The following ZNF646 variants were observed in gnomAD, a reference collection of about 807,000 sequenced individuals.
The protein encoded by ZNF646 is zinc finger protein 646.
ZNF646 carries 49 observed loss-of-function variants against 115.4 expected under a neutral mutation model. The ratio of observed to expected loss-of-function variants is 0.42; its 90% CI spans 0.34 to 0.54. The LOEUF is 0.54. ZNF646 is among the 20% of genes least tolerant of loss of function. ZNF646 has a pLI of 0.04. For missense variants in ZNF646, 2,269 were observed against 2,457.9 expected, an observed-to-expected ratio of 0.92 and a Z score of 1.62; for synonymous variants, 933 against 939.0, an observed-to-expected ratio of 0.99 and a Z score of 0.12.
At chr16:31,076,133 G>T in intron 1 of ZNF646, 113 bp from the exon 2 acceptor site, 1 of 640,080 alleles carries the variant, frequency 1.6e-6, no homozygotes, top group Non-Finnish European at 2.5e-6. Flanking sequence ...TTAGGTCCTT[G>T]GGCATGGATG....
Position 31,078,874 on chromosome 16 carries a change from C to G in ZNF646, c.2550C>G (p.Cys850Trp). Reference sequence around the variant, plus strand: ...GCCACCCACCAGGCATCTATCAGTGCTCCCTCTGCCCGAAGGAGTTTGACT... The same window carrying G: ...GCCACCCACCAGGCATCTATCAGTGGTCCCTCTGCCCGAAGGAGTTTGACT... Reference protein sequence around the residue: ...RPCHPPGIYQCSLCPKEFDSL... With the variant: ...RPCHPPGIYQWSLCPKEFDSL... Residue 850 changes from cysteine (C) to tryptophan (W), a missense_variant, in exon 2 of 3, where the codon TGC (cysteine) becomes TGG (tryptophan). By Grantham distance (215) the Cys-to-Trp change is radical. This residue lies in a region of ZNF646 where 852 missense variants were observed against 900.2 expected (regional missense o/e 0.95). Coordinates refer to ENST00000300850, the MANE Select transcript of ZNF646 (RefSeq NM_014699.4). The G allele has an allele frequency of 6.2e-7, 1 of 1,614,054 alleles. No individual in the cohort carries two copies. Among genetic ancestry groups the G allele is most frequent in the Non-Finnish European group, 8.5e-7 (1 of 1,180,040 alleles).
Position 31,084,102 on chromosome 16 carries a change from G to A in ZNF646, c.*1010G>A. The A allele has an allele frequency of 6.4e-7, 1 of 1,557,080 alleles. No individual in the cohort carries two copies. On this transcript the variant is annotated 3_prime_UTR_variant, in exon 3 of 3. Transcript: ENST00000300850. Reference sequence around the variant, plus strand: ...CTGGAGAGGCAGGGTTTGGCAGGAGGCCCCGGGGCCACATACTTATGTTGG... The same window carrying A: ...CTGGAGAGGCAGGGTTTGGCAGGAGACCCCGGGGCCACATACTTATGTTGG...
chr16:31,075,649 C>T (rs986356392), intron 1 of ZNF646, among the ~76,000 whole-genome samples: 1 of 152,050 alleles, frequency 6.6e-6, no homozygotes, highest in African/African-American at 2.4e-5. Context: ...GGAAAAGAGA[C>T]CTTGTGACAC....
Position 31,083,469 on chromosome 16 carries a change from A to C in ZNF646, c.*377A>C, listed in dbSNP as rs1368213587. The stretch of plus-strand genomic sequence containing the variant: ...TGTAACAATTTATTTAAGTTTAAAA[A>C]AAGGAAAACTGCTGCCCCCCAAAAA... On this transcript the variant is annotated 3_prime_UTR_variant, in exon 3 of 3. Transcript: ENST00000300850. The C allele has an allele frequency of 2.3e-6, 3 of 1,318,138 alleles. No individual in the cohort carries two copies. The highest frequency in any genetic ancestry group is 1.9e-6 in the Non-Finnish European group (2 of 1,027,696). 81.7% of individuals were successfully genotyped at this position (1,318,138 alleles called of 1,614,324 possible).
chr16:31,077,198 C>T lies in ZNF646; in HGVS notation c.874C>T (p.Arg292Trp), dbSNP rs182307630. ...CCACTCTCGACTGCATGCCCAGTAT[C>T]GGCCTTACCACTGTCCCCACTGCCC... ...KNHSRLHAQYRPYHCPHCPRV... is the reference protein window; with the variant it reads ...KNHSRLHAQYWPYHCPHCPRV... Residue 292 changes from arginine (R) to tryptophan (W), a missense_variant, in exon 2 of 3, where the codon CGG (arginine) becomes TGG (tryptophan). This residue lies in a region of ZNF646 where 852 missense variants were observed against 900.2 expected (regional missense o/e 0.95). Transcript: ENST00000300850. 5.6e-6 allele frequency: 9 copies of T among 1,614,190 alleles called. No individual in the cohort carries two copies. Among genetic ancestry groups the T allele is most frequent in the Non-Finnish European group, 6.8e-6 (8 of 1,180,014 alleles).
Position 31,080,335 on chromosome 16 carries a change from C to T in ZNF646, c.4011C>T (p.Asn1337=). Residue 1337 remains asparagine (N), a synonymous_variant, in exon 2 of 3, where the codon AAC becomes AAT. Transcript: ENST00000300850. ...SCPTCPKTYS[N]RMALKDHQRL... is the part of the protein sequence containing the mutation. ...CCACCTGCCCCAAGACCTACTCCAA[C>T]CGCATGGCCCTGAAGGACCACCAGA... 3 of 1,613,598 alleles carry T rather than the reference C, an allele frequency of 1.9e-6. No individual in the cohort carries two copies. The highest frequency in any genetic ancestry group is 2.5e-6 in the Non-Finnish European group (3 of 1,179,926).
In ZNF646 at chr16:31,081,661, C is replaced by CCAG. The variant is rs1567412930; in HGVS notation, c.5346_5348dup (p.Gln1782dup). ...GCCGCCGAATCAGCTTCGTGCAGCA[C>CCAG]CAGCAGCAGCACCAGGAGGAGTGGA... On this transcript the variant is annotated inframe_insertion, in exon 2 of 3. Transcript: ENST00000300850. The CCAG allele has an allele frequency of 2.5e-6, 4 of 1,603,478 alleles. No individual in the cohort carries two copies. Among genetic ancestry groups the CCAG allele is most frequent in the Non-Finnish European group, 3.4e-6 (4 of 1,173,940 alleles).
rs369641222 is a variant in ZNF646 at position 31,081,438 on chromosome 16, C to T, written c.5114C>T (p.Pro1705Leu). ...HQKAHTTGLY[P>L]CSLCPKLLPN... ...AAGGCCCACACCACAGGGTTGTACC[C>T]GTGCTCCCTCTGTCCCAAACTTCTC... The change falls in exon 2 of 3, where the codon CCG becomes CTG. Residue 1705 changes from proline to leucine, a missense_variant. Physicochemically the swap from Pro to Leu is moderately conservative, Grantham distance 98. Around this residue, in one of 5 missense-constraint regions of ZNF646, gnomAD observed 1,062 missense variants for 1,172.8 expected, o/e 0.91. Transcript: ENST00000300850. 16 of 1,614,016 alleles carry T rather than the reference C, an allele frequency of 9.9e-6. No homozygotes were observed. The highest frequency in any genetic ancestry group is 8.9e-5 in the East Asian group (4 of 44,902).
In ZNF646 at chr16:31,077,326, T is replaced by A; in HGVS notation, c.1002T>A (p.Asn334Lys). The A allele has an allele frequency of 6.2e-7, 1 of 1,613,338 alleles. No individual in the cohort carries two copies. Among genetic ancestry groups the A allele is most frequent in the African/African-American group, 1.3e-5 (1 of 75,008 alleles). The change falls in exon 2 of 3, where the codon AAT becomes AAA. Residue 334 changes from asparagine (N) to lysine (K), a missense_variant. By Grantham distance (94) the Asn-to-Lys change is moderately conservative (BLOSUM62 0). Around this residue, in one of 5 missense-constraint regions of ZNF646, gnomAD observed 852 missense variants for 900.2 expected, o/e 0.95. Coordinates refer to ENST00000300850, the MANE Select transcript of ZNF646 (RefSeq NM_014699.4). ...RWEEKGMPTT[N>K]GHTDESSQDQ... The stretch of plus-strand genomic sequence containing the variant: ...AGGAGAAAGGGATGCCCACCACCAA[T>A]GGGCACACAGATGAGAGCAGCCAGG...
chr16:31,080,406 G>A lies in ZNF646; in HGVS notation c.4082G>A (p.Arg1361His), dbSNP rs137914572. The A allele has an allele frequency of 4.6e-4, 735 of 1,613,114 alleles. 3 individuals are homozygous for A. The Middle Eastern group carries it at 4.6e-3, about 10-fold the overall frequency. Residue 1361 changes from arginine (R) to histidine (H), a missense_variant, in exon 2 of 3, where the codon CGC becomes CAC. Physicochemically the swap from Arg to His is conservative, Grantham distance 29. Around this residue, in one of 5 missense-constraint regions of ZNF646, gnomAD observed 1,062 missense variants for 1,172.8 expected, o/e 0.91. Coordinates refer to ENST00000300850, the MANE Select transcript of ZNF646 (RefSeq NM_014699.4). ...CGGCGACGGGCTGGACGGTCCAGGCGCACAGCTGTGCGTTGCGCCCTCTGT... is the reference window on the plus strand; with the variant it reads ...CGGCGACGGGCTGGACGGTCCAGGCACACAGCTGTGCGTTGCGCCCTCTGT... ...NRRRRAGRSR[R>H]TAVRCALCGR... is the part of the protein sequence containing the mutation.
Position 31,081,720 on chromosome 16 carries a change from C to A in ZNF646, c.5377+19C>A. 6.4e-7 allele frequency: 1 copy of A among 1,554,666 alleles called. No individual in the cohort carries two copies. The highest frequency in any genetic ancestry group is 8.7e-7 in the Non-Finnish European group (1 of 1,148,032). On this transcript the variant is annotated intron_variant, in intron 2 of 2. Coordinates refer to ENST00000300850, the MANE Select transcript of ZNF646 (RefSeq NM_014699.4). ...GGCTCCGGTAGGGGGCATGAAGGGT[C>A]CCAGGAGGAGGTGGGCACACAGTGG...
Position 31,077,312 on chromosome 16 carries a change from A to G in ZNF646, c.988A>G (p.Met330Val). 6.2e-7 allele frequency: 1 copy of G among 1,613,680 alleles called. No individual in the cohort carries two copies. Among genetic ancestry groups the G allele is most frequent in the Non-Finnish European group, 8.5e-7 (1 of 1,179,872 alleles). Residue 330 changes from methionine to valine, a missense_variant, in exon 2 of 3, where the codon ATG (methionine) becomes GTG (valine). Around this residue, in one of 5 missense-constraint regions of ZNF646, gnomAD observed 852 missense variants for 900.2 expected, o/e 0.95. Transcript: ENST00000300850. Reference protein sequence around the residue: ...RQEPRWEEKGMPTTNGHTDES... With the variant: ...RQEPRWEEKGVPTTNGHTDES... ...GGAGCCACGCTGGGAGGAGAAAGGG[A>G]TGCCCACCACCAATGGGCACACAGA...
Position 31,080,087 on chromosome 16 carries a change from C to A in ZNF646, c.3763C>A (p.Pro1255Thr), listed in dbSNP as rs1223614261. ...GAACCACCGGCGCATCCATGCAGATCCCCGACGTTTCCGCTGCAGCGAGTG... is the reference window on the plus strand; with the variant it reads ...GAACCACCGGCGCATCCATGCAGATACCCGACGTTTCCGCTGCAGCGAGTG... ...LKNHRRIHAD[P>T]RRFRCSECGK... The change falls in exon 2 of 3, where the codon CCC becomes ACC. Residue 1255 changes from proline to threonine, a missense_variant. This residue lies in a region of ZNF646 where 1,062 missense variants were observed against 1,172.8 expected (regional missense o/e 0.91). Coordinates refer to ENST00000300850, the MANE Select transcript of ZNF646 (RefSeq NM_014699.4). 2 of 1,613,098 alleles carry A rather than the reference C, an allele frequency of 1.2e-6. No homozygotes were observed. Among genetic ancestry groups the A allele is most frequent in the East Asian group, 2.2e-5 (1 of 44,870 alleles).
chr16:31,082,582 A>C, intron 2 of ZNF646: 1 of 243,716 alleles, frequency 4.1e-6, no homozygotes, highest in East Asian at 1.5e-4. Context: ...GCTGCCAGGG[A>C]GTGGGGCGGC....
rs974769053 is a variant in ZNF646, at chr16:31,077,177, T to G, written c.853T>G (p.Ser285Ala). 6.2e-7 allele frequency: 1 copy of G among 1,614,096 alleles called. No homozygotes were observed. Residue 285 changes from serine to alanine, a missense_variant, in exon 2 of 3, where the codon TCT becomes GCT. Coordinates refer to ENST00000300850, the MANE Select transcript of ZNF646 (RefSeq NM_014699.4). ...TAACCTCATGGCTCTGAAGAACCAC[T>G]CTCGACTGCATGCCCAGTATCGGCC... is the stretch of plus-strand genomic sequence containing the variant. Reference protein sequence around the residue: ...FSNLMALKNHSRLHAQYRPYH... With the variant: ...FSNLMALKNHARLHAQYRPYH...
chr16:31,082,952 C>T lies in ZNF646; in HGVS notation c.5378-19C>T, dbSNP rs201450547. ...GGGTCTGCCCCTCAGTTGGTGACCT[C>T]CTCTCTCTCTCCCCCCAGGAGCCCC... On this transcript the variant is annotated intron_variant, in intron 2 of 2. Coordinates refer to ENST00000300850, the MANE Select transcript of ZNF646 (RefSeq NM_014699.4). 3 of 1,566,238 alleles carry T rather than the reference C, an allele frequency of 1.9e-6. No homozygotes were observed. Among genetic ancestry groups the T allele is most frequent in the African/African-American group, 2.7e-5 (2 of 73,858 alleles).
chr16:31,082,910 G>T (rs1045496153), intron 2 of ZNF646, 61 bp from the exon 3 acceptor site: 6 of 1,532,004 alleles, frequency 3.9e-6, no homozygotes, highest in Non-Finnish European at 5.3e-6. Context: ...GGGCTGGGAG[G>T]GGGTACACGC....
Position 31,078,539 on chromosome 16 carries a change from T to G in ZNF646, c.2215T>G (p.Cys739Gly), listed in dbSNP as rs752735288. The G allele has an allele frequency of 6.3e-7, 1 of 1,599,714 alleles. No individual in the cohort carries two copies. Among genetic ancestry groups the G allele is most frequent in the African/African-American group, 1.3e-5 (1 of 74,816 alleles). ...GCAGGCTGAATCTGAAGGGGACAAA[T>G]GTGGGCTTGAGAGGGATGAGACCCA... ...CLQAESEGDK[C>G]GLERDETHFQ... The change falls in exon 2 of 3, where the codon TGT becomes GGT. Residue 739 changes from cysteine to glycine, a missense_variant. Coordinates refer to ENST00000300850, the MANE Select transcript of ZNF646 (RefSeq NM_014699.4).
chr16:31,084,160 G>C lies in ZNF646; in HGVS notation c.*1068G>C. On this transcript the variant is annotated 3_prime_UTR_variant, in exon 3 of 3. Transcript: ENST00000300850. The stretch of plus-strand genomic sequence containing the variant: ...GCTTCCAGGCTCAGCCTCGGGCTCT[G>C]GTTCCTCGGCGAAGTAGACCTGCCA... The C allele has an allele frequency of 1.3e-6, 2 of 1,599,366 alleles. No individual in the cohort carries two copies. The highest frequency in any genetic ancestry group is 1.7e-6 in the Non-Finnish European group (2 of 1,173,718).
Sources: allele counts gnomAD v4.1 joint callset (sites outside exome capture counted in the v4.1 genomes callset), GRCh38; gene constraint gnomAD v4.1.1; regional missense constraint gnomAD v4.1.1; transcripts MANE v1.5; gene names NCBI Gene and HGNC (gene_info 2026-07-23, HGNC 2026-07-21).